HERC1: variants seen among roughly 807,000 people sequenced by gnomAD.
HERC1 encodes HECT and RLD domain containing E3 ubiquitin protein ligase family member 1.
Under a neutral mutation model 554.3 loss-of-function variants are expected in HERC1, and 160 were observed. The observed-to-expected ratio is 0.29, with a 90% CI of 0.25 to 0.33. HERC1 has a LOEUF of 0.33. HERC1 is among the 10% of genes least tolerant of loss of function. The pLI, the probability that HERC1 is intolerant of heterozygous loss-of-function variation, is 1.00. For synonymous variants in HERC1, 2,175 were observed against 2,131.7 expected (o/e 1.02, Z -0.56); for missense variants, 4,919 against 5,918.5 (o/e 0.83, Z 5.54).
chr15:63,620,075 A>G (rs957472456), intron 74 of HERC1, among the ~76,000 whole-genome samples: 4 of 151,818 alleles, frequency 2.6e-5, no homozygotes, highest in African/African-American at 7.3e-5. Flanking sequence ...AGTTCTTTTT[A>G]TTGTGATGTT....
intron 56 of HERC1, 123 bp downstream of exon 56, chr15:63,645,360 C>T (rs2069281538): frequency 1.4e-6 from 1 of 730,808 alleles, no homozygotes; most frequent in Non-Finnish European, 2.2e-6. Context: ...TATAATGTTA[C>T]ACATTATAAG....
intron 50 of HERC1, among the ~76,000 whole-genome samples, chr15:63,655,105 G>T (rs986824846): frequency 3.9e-5 from 6 of 152,108 alleles, no homozygotes; most frequent in African/African-American, 1.4e-4. Flanking sequence ...TGTAATCTGA[G>T]GACTTTGGGA....
chr15:63,809,944 T>A (rs2077250499), intron 1 of HERC1, among the ~76,000 whole-genome samples: 1 of 152,160 alleles, frequency 6.6e-6, no homozygotes, highest in Non-Finnish European at 1.5e-5. Context: ...CCCAAAGTGC[T>A]GTGATTACAG....
In HERC1 at chr15:63,616,349, T is replaced by G. The variant is rs1042003741; in HGVS notation, c.13941+81A>C. 3 of 1,421,422 alleles carry G rather than the reference T, an allele frequency of 2.1e-6. No individual in the cohort carries two copies. The African/African-American group carries it at 4.2e-5, about 20-fold the overall frequency. 88.1% of individuals were successfully genotyped at this position (1,421,422 alleles called of 1,614,324 possible). ...GCCAGACAGCAAGTGGAAGACTGTA[T>G]CTCAATTTTACACAGAAAAATTCTA... On this transcript the variant is annotated intron_variant, in intron 75 of 77. Transcript: ENST00000443617.
At chr15:63,803,491 T>A (rs1008041824) in intron 1 of HERC1, among the ~76,000 whole-genome samples, 12 of 152,124 alleles carry the variant, frequency 7.9e-5, no homozygotes, top group Non-Finnish European at 1.6e-4. Context: ...GACACAATCA[T>A]AATTCACTGA....
intron 51 of HERC1, among the ~76,000 whole-genome samples, chr15:63,653,837 T>C (rs2069847209): frequency 6.6e-6 from 1 of 152,214 alleles, no homozygotes; most frequent in Admixed American, 6.5e-5. Flanking sequence ...ATACAGAGGA[T>C]CAAATGCATA....
chr15:63,660,847 A>T (rs1179283248), intron 46 of HERC1, 126 bp downstream of exon 46: 1 of 566,188 alleles, frequency 1.8e-6, no homozygotes, highest in Non-Finnish European at 3.1e-6. Flanking sequence ...TTAAGGGAAA[A>T]TTTAAGTTAA....
At chr15:63,667,688 C>T (rs377169413) in intron 40 of HERC1, among the ~76,000 whole-genome samples, 40 of 152,232 alleles carry the variant, frequency 2.6e-4, no homozygotes, top group Non-Finnish European at 4.4e-4. Flanking sequence ...TGAAGTGGTA[C>T]AATATCACCT....
chr15:63,707,241 C>T (rs2073052182), intron 24 of HERC1, among the ~76,000 whole-genome samples: 1 of 152,214 alleles, frequency 6.6e-6, no homozygotes, highest in Admixed American at 6.5e-5. Context: ...AAAACTTCCA[C>T]TAGCCTTCGC....
In HERC1 at chr15:63,734,146, G is replaced by A. The variant is rs1176299886; in HGVS notation, c.2646+578C>T. 6.6e-6 allele frequency among the ~76,000 whole-genome samples: 1 copy of A among 152,136 alleles called. No individual in the cohort carries two copies. Among genetic ancestry groups the A allele is most frequent in the Non-Finnish European group, 1.5e-5 (1 of 68,038 alleles). On this transcript the variant is annotated intron_variant, in intron 13 of 77. Transcript: ENST00000443617. This position sits in a 1 kb window ranked among gnomAD's most constrained non-coding sequence, Gnocchi z 4.6. ...TGCACCACCCTACTCCAGCGTGGAT[G>A]ACAGAGCAAGACTCTGTCTCCAAAA...
intron 45 of HERC1, 48 bp downstream of exon 45, chr15:63,661,704 GT>G (rs1376670764): frequency 6.3e-7 from 1 of 1,576,330 alleles, no homozygotes; most frequent in Admixed American, 1.7e-5. Flanking sequence ...AAGACTTAAG[GT>G]ATGAGGTATC....
chr15:63,672,726 T>C (rs1230247398), intron 38 of HERC1, 32 bp from the exon 39 acceptor site: 6 of 1,459,682 alleles, frequency 4.1e-6, no homozygotes, highest in African/African-American at 1.4e-5. Context: ...AAGAAAGTAG[T>C]AAGGATTTGT....
At position 63,643,137 on chromosome 15, in the gene HERC1, C is replaced by CA; in HGVS notation, c.11332-80dup. 10 of 1,039,604 alleles carry CA rather than the reference C, an allele frequency of 9.6e-6. No homozygotes were observed. In the South Asian group the frequency reaches 1.4e-4, roughly 14 times the overall value. 64.4% of individuals were successfully genotyped at this position (1,039,604 alleles called of 1,614,324 possible). A position where few individuals can be genotyped will look rare whatever the true frequency, so the allele number is the denominator to read the frequency against. ...CATTTAAATTTCTATTTCACATTGA[C>CA]AAAAACATATTCTAAAGTCTACATT... is the stretch of plus-strand genomic sequence containing the variant. On this transcript the variant is annotated intron_variant, in intron 58 of 77. Coordinates refer to ENST00000443617, the MANE Select transcript of HERC1 (RefSeq NM_003922.4).
chr15:63,754,403 T>C, intron 7 of HERC1, 102 bp downstream of exon 7: 1 of 701,414 alleles, frequency 1.4e-6, no homozygotes. Flanking sequence ...TCTGCTCATC[T>C]GTATTTGAGT....
At chr15:63,619,177 C>A (rs1385598336) in intron 74 of HERC1, among the ~76,000 whole-genome samples, 3 of 152,114 alleles carry the variant, frequency 2.0e-5, no homozygotes, top group Non-Finnish European at 4.4e-5. Context: ...CCCATCAATA[C>A]CTAATTTATT....
At chr15:63,631,933 T>TCC (rs1243459118) in intron 68 of HERC1, among the ~76,000 whole-genome samples, 17 of 152,222 alleles carry the variant, frequency 1.1e-4, no homozygotes, top group African/African-American at 4.1e-4. Flanking sequence ...TCTCTCTCTC[T>TCC]GGGTTTTTTA....
In HERC1 at chr15:63,664,533, G is replaced by A. The variant is rs751039538; in HGVS notation, c.8617C>T (p.Arg2873Cys). Residue 2873 changes from arginine (R) to cysteine (C), a missense_variant, in exon 43 of 78, where the codon CGC (arginine) becomes TGC (cysteine). Arg to Cys is a radical substitution (Grantham distance 180). This residue lies in a region of HERC1 where 1,963 missense variants were observed against 2,228.6 expected (regional missense o/e 0.88). Coordinates refer to ENST00000443617, the MANE Select transcript of HERC1 (RefSeq NM_003922.4). ...TTGTGTCTTCTTGTTACCGCTGAGCGACCTCTAGCTGATGGTCCACTTCCA... is the reference window on the plus strand; with the variant it reads ...TTGTGTCTTCTTGTTACCGCTGAGCAACCTCTAGCTGATGGTCCACTTCCA... The part of the protein sequence containing the change: ...ASGSGPSARG[R>C]SAVTRRHKFD... 32 of 1,613,440 alleles carry A rather than the reference G, an allele frequency of 2.0e-5. No individual in the cohort carries two copies. The highest frequency in any genetic ancestry group is 1.6e-4 in the Middle Eastern group (1 of 6,084).
chr15:63,741,808 T>G (rs1176590823), intron 12 of HERC1, among the ~76,000 whole-genome samples: 7 of 152,228 alleles, frequency 4.6e-5, no homozygotes. Context: ...ATGAGTTTAT[T>G]TCTAGACTCT....
chr15:63,657,121 G>A (rs2070084154), intron 48 of HERC1, among the ~76,000 whole-genome samples: 1 of 152,046 alleles, frequency 6.6e-6, no homozygotes, highest in Admixed American at 6.5e-5. Context: ...TTTCCAAAGT[G>A]GTTATACCAA....
Sources: gnomAD v4.1 joint callset for allele counts (sites outside exome capture counted in the v4.1 genomes callset) on GRCh38, gnomAD v4.1.1 for gene constraint, gnomAD v4.1.1 regional missense constraint, Gnocchi (gnomAD v3.1) non-coding constraint, MANE v1.5 for transcripts, NCBI Gene and HGNC (gene_info 2026-07-23, HGNC 2026-07-21) for gene names.